The following KAT6B variants were observed in gnomAD, a reference collection of about 807,000 sequenced individuals.
KAT6B encodes histone acetyltransferase KAT6B.
In KAT6B, 10 loss-of-function variants were observed where a neutral mutation model predicts 187.5. The ratio of observed to expected loss-of-function variants is 0.05; its 90% CI spans 0.03 to 0.09. The LOEUF (loss-of-function observed/expected upper bound fraction) is 0.09, where lower values mean the gene tolerates loss of function less well. KAT6B is among the 10% of genes least tolerant of loss of function. The pLI is 1.00. For missense variants in KAT6B, 1,952 were observed against 2,558.9 expected (o/e 0.76, Z 5.12); for synonymous variants, 861 against 926.8 (o/e 0.93, Z 1.29).
chr10:74,887,775 G>A (rs2132601697), intron 3 of KAT6B, among the ~76,000 whole-genome samples: 1 of 152,208 alleles, frequency 6.6e-6, no homozygotes, highest in East Asian at 1.9e-4. Context: ...GGGAGGCTAA[G>A]CCAGGAGGAT....
chr10:74,981,169 T>G (rs1842480842), intron 10 of KAT6B, among the ~76,000 whole-genome samples: 1 of 152,196 alleles, frequency 6.6e-6, no homozygotes, highest in South Asian at 2.1e-4. Flanking sequence ...AAAGCTTTCT[T>G]TATATAGGAT....
chr10:74,832,754 C>A (rs927349366), intron 1 of KAT6B, among the ~76,000 whole-genome samples: 2 of 151,878 alleles, frequency 1.3e-5, no homozygotes, highest in Middle Eastern at 3.2e-3. Context: ...CCTGCCTTGG[C>A]CTGTCGAAGT....
At chr10:74,921,356 C>T (rs1441217763) in intron 3 of KAT6B, among the ~76,000 whole-genome samples, 12 of 152,186 alleles carry the variant, frequency 7.9e-5, no homozygotes, top group South Asian at 2.1e-4. Flanking sequence ...TCAGGTGATC[C>T]GCCTGCCTTG....
At chr10:74,957,933 G>A (rs1156696595) in intron 3 of KAT6B, among the ~76,000 whole-genome samples, 1 of 152,142 alleles carries the variant, frequency 6.6e-6, no homozygotes, top group Non-Finnish European at 1.5e-5. Context: ...GTCTCTTTTC[G>A]TTTTTCTAGT....
rs1294876629 is a variant in KAT6B, at chr10:74,972,753, G to A, written c.1061+114G>A. 46 of 1,006,830 alleles carry A rather than the reference G, an allele frequency of 4.6e-5. 1 individual carries two copies. The South Asian group carries it at 4.6e-4, about 10-fold the overall frequency. The allele number at this position is 1,006,830 out of a possible 1,614,324, so 62.4% of individuals were successfully genotyped here. On this transcript the variant is annotated intron_variant, in intron 7 of 17. Coordinates refer to ENST00000287239, the MANE Select transcript of KAT6B (RefSeq NM_012330.4). ...TTTGGCATCATTTTTTCAAACTCAA[G>A]GGTTGAAAAATACTTTTCCTTTTGC... is the stretch of plus-strand genomic sequence containing the variant.
intron 10 of KAT6B, among the ~76,000 whole-genome samples, chr10:74,980,237 G>T (rs1394079852): frequency 6.6e-6 from 1 of 152,164 alleles, no homozygotes; most frequent in African/African-American, 2.4e-5. Context: ...GCCTGTGAAC[G>T]AATATATCCC....
At chr10:74,827,712 G>C (rs1300167669) in intron 1 of KAT6B, among the ~76,000 whole-genome samples, 18 of 152,158 alleles carry the variant, frequency 1.2e-4, no homozygotes, top group Non-Finnish European at 2.9e-5. Flanking sequence ...AAGAAAGTGG[G>C]TGGAGCTGTA....
intron 3 of KAT6B, among the ~76,000 whole-genome samples, chr10:74,883,473 C>T (rs556465929): frequency 2.8e-4 from 43 of 152,282 alleles, no homozygotes; most frequent in South Asian, 2.1e-3. Flanking sequence ...CCCCCTACTT[C>T]TCCTGTTCCC....
intron 3 of KAT6B, among the ~76,000 whole-genome samples, chr10:74,959,052 A>G (rs1840896825): frequency 6.6e-6 from 1 of 151,406 alleles, no homozygotes; most frequent in Non-Finnish European, 1.5e-5. Context: ...AAATAAATAA[A>G]TAAATAAATA....
intron 3 of KAT6B, among the ~76,000 whole-genome samples, chr10:74,919,234 A>C (rs73285894): frequency 0.1 from 15,635 of 151,900 alleles, 1,114 homozygotes; most frequent in South Asian, 0.27. Flanking sequence ...ATCTATCTAT[A>C]TATATATATT....
upstream of KAT6B, among the ~76,000 whole-genome samples, chr10:74,825,205 G>A (rs1204837575): frequency 1.3e-5 from 2 of 152,210 alleles, no homozygotes; most frequent in Non-Finnish European, 2.9e-5. This position sits in a 1 kb window ranked among gnomAD's most constrained non-coding sequence, Gnocchi z 5.0. Context: ...ACAGCGACGG[G>A]AGTGGGGACG....
intron 12 of KAT6B, 106 bp downstream of exon 12, chr10:74,985,347 CAT>C (rs1842743248): frequency 1.1e-5 from 13 of 1,151,040 alleles, no homozygotes; most frequent in African/African-American, 7.8e-5. Flanking sequence ...GAATAAGTGA[CAT>C]GTGTTTTTGA....
intron 17 of KAT6B, among the ~76,000 whole-genome samples, chr10:75,026,441 A>G (rs1845844094): frequency 6.6e-6 from 1 of 152,178 alleles, no homozygotes; most frequent in Admixed American, 6.5e-5. Flanking sequence ...AATCTGGGGA[A>G]CAGGCCATCT....
At chr10:74,884,324 A>T (rs1256564958) in intron 3 of KAT6B, among the ~76,000 whole-genome samples, 3 of 152,248 alleles carry the variant, frequency 2.0e-5, no homozygotes, top group African/African-American at 7.2e-5. Context: ...GAAAGGATTC[A>T]TGCAACTCTA....
At chr10:74,839,093 C>T (rs1348601142) in intron 2 of KAT6B, among the ~76,000 whole-genome samples, 1 of 150,646 alleles carries the variant, frequency 6.6e-6, no homozygotes, top group Admixed American at 6.6e-5. Flanking sequence ...GTGGAGATTG[C>T]AGTGAGCCGA....
Position 74,868,901 on chromosome 10 carries a change from T to C in KAT6B, c.621+25423T>C, listed in dbSNP as rs1843723725. 2.0e-5 allele frequency among the ~76,000 whole-genome samples: 3 copies of C among 152,216 alleles called. No homozygotes were observed. In the South Asian group the frequency reaches 6.2e-4, roughly 31 times the overall value. ...ATGCAGATAGTTAATGGCTGGGCCA[T>C]ATTGGAGTCCAGGGCCTTCAGACTC... On this transcript the variant is annotated intron_variant, in intron 3 of 17. Transcript: ENST00000287239.
intron 13 of KAT6B, among the ~76,000 whole-genome samples, chr10:75,008,727 A>G (rs1454019212): frequency 6.6e-6 from 1 of 152,226 alleles, no homozygotes; most frequent in Non-Finnish European, 1.5e-5. Flanking sequence ...ATGCCCGTGA[A>G]TTTGTTTTAA....
intron 3 of KAT6B, among the ~76,000 whole-genome samples, chr10:74,918,842 CA>C (rs1847901556): frequency 6.6e-6 from 1 of 152,200 alleles, no homozygotes; most frequent in South Asian, 2.1e-4. Flanking sequence ...GTAGTTAGAA[CA>C]CATTGAAGAT....
At chr10:74,985,264 C>T in intron 12 of KAT6B, 23 bp downstream of exon 12, 1 of 1,612,464 alleles carries the variant, frequency 6.2e-7, no homozygotes, top group Non-Finnish European at 8.5e-7. Context: ...CCAGCATGAC[C>T]TTCATTTTCT....
Sources: allele counts gnomAD v4.1 joint callset (sites outside exome capture counted in the v4.1 genomes callset), GRCh38; gene constraint gnomAD v4.1.1; non-coding constraint Gnocchi (gnomAD v3.1); transcripts MANE v1.5; gene names NCBI Gene and HGNC (gene_info 2026-07-23, HGNC 2026-07-21).